ARHGAP23: variants seen among roughly 807,000 people sequenced by gnomAD.
ARHGAP23 encodes the protein rho GTPase-activating protein 23.
A neutral mutation model predicts 136.3 loss-of-function variants in ARHGAP23; 34 were observed. The observed-to-expected ratio is 0.25, with a 90% confidence interval of 0.19 to 0.33. The LOEUF is 0.33. ARHGAP23 is among the 10% of genes least tolerant of loss of function. The pLI, the probability that ARHGAP23 is intolerant of heterozygous loss-of-function variation, is 1.00. For missense variants in ARHGAP23, 1,808 were observed against 2,139.0 expected, an observed-to-expected ratio of 0.85 and a Z score of 3.05; for synonymous variants, 832 against 920.5, an observed-to-expected ratio of 0.90 and a Z score of 1.74.
rs2039494479 is a variant in ARHGAP23 at position 38,462,881 on chromosome 17, A to G, written c.289A>G (p.Thr97Ala). ...SPRYRLEPMD[T>A]IFVKNVKEDG... Reference sequence around the variant, plus strand: ...CCGGTACCGCCTGGAGCCCATGGACACCATCTTTGTCAAGAATGTGAAGGA... The same window carrying G: ...CCGGTACCGCCTGGAGCCCATGGACGCCATCTTTGTCAAGAATGTGAAGGA... Residue 97 changes from threonine (T) to alanine (A), a missense_variant, in exon 4 of 24, where the codon ACC (threonine) becomes GCC (alanine). By Grantham distance (58) the Thr-to-Ala change is moderately conservative. Transcript: ENST00000622683. 1.3e-6 allele frequency: 2 copies of G among 1,533,856 alleles called. No homozygotes were observed.
At chr17:38,467,427 CGGCTGGGTGCT>C in intron 7 of ARHGAP23, 96 bp downstream of exon 7, 1 of 1,202,168 alleles carries the variant, frequency 8.3e-7, no homozygotes, top group Non-Finnish European at 1.1e-6. Context: ...GGGCAGAATT[CGGCTGGGTGCT>C]GGTGGGATCA....
chr17:38,428,576 C>A, intron 1 of ARHGAP23, 28 bp downstream of exon 1: 2 of 1,378,088 alleles, frequency 1.5e-6, no homozygotes, highest in Non-Finnish European at 1.9e-6. Context: ...GGGAAGTGGG[C>A]GGGGCCGGTA....
chr17:38,501,391 TC>T (rs1321301385), intron 23 of ARHGAP23, among the ~76,000 whole-genome samples: 1 of 152,256 alleles, frequency 6.6e-6, no homozygotes, highest in East Asian at 1.9e-4. Context: ...AAGCTCCGCC[TC>T]CCAGGTTCAC....
chr17:38,443,216 C>T (rs1324287166), intron 1 of ARHGAP23, among the ~76,000 whole-genome samples: 2 of 152,202 alleles, frequency 1.3e-5, no homozygotes, highest in Non-Finnish European at 2.9e-5. Context: ...CCTCGGTGCC[C>T]CTGCAGGTCA....
intron 1 of ARHGAP23, among the ~76,000 whole-genome samples, chr17:38,439,074 G>A (rs942607671): frequency 2.0e-5 from 3 of 151,854 alleles, no homozygotes; most frequent in African/African-American, 4.8e-5. Context: ...CTACTTGGGA[G>A]GCTGAGGCAG....
chr17:38,441,214 C>A (rs893591299), intron 1 of ARHGAP23, among the ~76,000 whole-genome samples: 3 of 152,238 alleles, frequency 2.0e-5, no homozygotes, highest in African/African-American at 7.2e-5. Flanking sequence ...AGTGTGCTTC[C>A]CCAGCCCATG....
chr17:38,479,619 C>A, intron 13 of ARHGAP23, 122 bp downstream of exon 13: 2 of 1,418,704 alleles, frequency 1.4e-6, no homozygotes, highest in Non-Finnish European at 1.9e-6. Flanking sequence ...TATCCAGGGT[C>A]TCCAGGCTGC....
intron 1 of ARHGAP23, among the ~76,000 whole-genome samples, chr17:38,435,692 G>A (rs1272126191): frequency 1.3e-5 from 2 of 152,056 alleles, no homozygotes; most frequent in East Asian, 1.9e-4. Context: ...AACCTCTCCC[G>A]GGTTCAAGAG....
At chr17:38,440,639 G>A (rs886627745) in intron 1 of ARHGAP23, among the ~76,000 whole-genome samples, 1 of 152,214 alleles carries the variant, frequency 6.6e-6, no homozygotes, top group African/African-American at 2.4e-5. Context: ...GGCCCTTGGT[G>A]GCACCCAGTG....
intron 19 of ARHGAP23, among the ~76,000 whole-genome samples, chr17:38,490,982 G>A (rs2040265683): frequency 1.3e-5 from 2 of 152,194 alleles, no homozygotes; most frequent in African/African-American, 4.8e-5. Context: ...GCCTTGGCAC[G>A]ATCTCGGCTT....
chr17:38,434,544 G>A (rs1220626286), intron 1 of ARHGAP23, among the ~76,000 whole-genome samples: 1 of 152,164 alleles, frequency 6.6e-6, no homozygotes, highest in East Asian at 1.9e-4. Context: ...AAACAGACCC[G>A]GCCTTGGCCT....
At position 38,512,021 on chromosome 17, in the gene ARHGAP23, C is replaced by G. The variant is rs1399139461; in HGVS notation, c.*1049C>G. ...ATCACCAGGCCAGCCCCCACACACC[C>G]TCACTCATTCCAGGGAAGCCCAGGT... is the stretch of plus-strand genomic sequence containing the variant. On this transcript the variant is annotated 3_prime_UTR_variant, in exon 24 of 24. Coordinates refer to ENST00000622683, the MANE Select transcript of ARHGAP23 (RefSeq NM_001199417.2). 2.6e-5 allele frequency: 4 copies of G among 152,330 alleles called. No homozygotes were observed. The highest frequency in any genetic ancestry group is 9.6e-5 in the African/African-American group (4 of 41,460). The allele number at this position is 152,330 out of a possible 1,614,324, so 9.4% of individuals were successfully genotyped here.
chr17:38,445,839 G>A (rs1351424644), intron 1 of ARHGAP23, among the ~76,000 whole-genome samples: 5 of 151,702 alleles, frequency 3.3e-5, no homozygotes, highest in South Asian at 2.1e-4. Context: ...TCACCGTGTC[G>A]TCCAGGCTGG....
At chr17:38,494,520 C>T (rs554081018) in intron 20 of ARHGAP23, among the ~76,000 whole-genome samples, 43 of 152,016 alleles carry the variant, frequency 2.8e-4, no homozygotes, top group African/African-American at 9.2e-4. Context: ...GCCGAGATTG[C>T]GAAACTGCAC....
chr17:38,435,403 G>A (rs1020642768), intron 1 of ARHGAP23, among the ~76,000 whole-genome samples: 5 of 152,138 alleles, frequency 3.3e-5, no homozygotes, highest in Non-Finnish European at 2.9e-5. Flanking sequence ...AGAGGGAGAG[G>A]AAGGAGTGGT....
chr17:38,506,435 G>A (rs753889276), intron 23 of ARHGAP23, among the ~76,000 whole-genome samples: 2 of 152,160 alleles, frequency 1.3e-5, no homozygotes, highest in Non-Finnish European at 2.9e-5. Context: ...TGAGGGCAGG[G>A]TGTGTATAAA....
chr17:38,490,463 T>G lies in ARHGAP23; in HGVS notation c.3062T>G (p.Ile1021Ser). 6.5e-7 allele frequency: 1 copy of G among 1,547,334 alleles called. No individual in the cohort carries two copies. The highest frequency in any genetic ancestry group is 1.2e-5 in the South Asian group (1 of 83,940). ...RERMRTLRKLIRDLPGHYYET... is the reference protein window; with the variant it reads ...RERMRTLRKLSRDLPGHYYET... Reference sequence around the variant, plus strand: ...ATGCCCCTCCTCTCTCCTGCTCAGATCCGGGATCTCCCAGGACACTACTAT... The same window carrying G: ...ATGCCCCTCCTCTCTCCTGCTCAGAGCCGGGATCTCCCAGGACACTACTAT... Residue 1021 changes from isoleucine (I) to serine (S), a missense_variant and splice_region_variant, in exon 19 of 24, where the codon ATC (isoleucine) becomes AGC (serine). Ile to Ser is a moderately radical substitution (Grantham distance 142). Transcript: ENST00000622683.
At chr17:38,430,380 G>A (rs1485752142) in intron 1 of ARHGAP23, among the ~76,000 whole-genome samples, 1 of 151,858 alleles carries the variant, frequency 6.6e-6, no homozygotes, top group African/African-American at 2.4e-5. Context: ...GAGAAGGACT[G>A]GGTGGGGGGA....
At position 38,510,321 on chromosome 17, in the gene ARHGAP23, G is replaced by T. The variant is rs1332427419; in HGVS notation, c.3825G>T (p.Ala1275=). ...SGRRAGAGDE[A]DDERSELSHV... ...GGCGGGCAGGGGCGGGGGATGAGGC[G>T]GACGACGAGCGTAGCGAGCTGAGCC... Residue 1275 remains alanine (A), a synonymous_variant, in exon 24 of 24, where the codon GCG becomes GCT. Coordinates refer to ENST00000622683, the MANE Select transcript of ARHGAP23 (RefSeq NM_001199417.2). The surrounding 1 kb of genome is among the most constrained non-coding windows in gnomAD (Gnocchi z 4.6). 1 of 1,262,440 alleles carries T rather than the reference G, an allele frequency of 7.9e-7. No individual in the cohort carries two copies. Among genetic ancestry groups the T allele is most frequent in the Non-Finnish European group, 1.0e-6 (1 of 1,005,020 alleles). 78.2% of individuals were successfully genotyped at this position (1,262,440 alleles called of 1,614,324 possible). A position where few individuals can be genotyped will look rare whatever the true frequency, so the allele number is the denominator to read the frequency against.
Sources: allele counts gnomAD v4.1 joint callset (sites outside exome capture counted in the v4.1 genomes callset), GRCh38; gene constraint gnomAD v4.1.1; non-coding constraint Gnocchi (gnomAD v3.1); transcripts MANE v1.5; gene names NCBI Gene and HGNC (gene_info 2026-07-23, HGNC 2026-07-21).